PTPRD: variants seen among roughly 807,000 people sequenced by gnomAD.
PTPRD encodes the protein protein tyrosine phosphatase receptor type D, also known as receptor-type tyrosine-protein phosphatase delta.
A neutral mutation model predicts 214.5 loss-of-function variants in PTPRD; 34 were observed. The ratio of observed to expected loss-of-function variants is 0.16; its 90% CI spans 0.12 to 0.21. PTPRD has a LOEUF of 0.21. Ranked by LOEUF, PTPRD falls within the 10% of genes least tolerant of loss-of-function variation. PTPRD has a pLI of 1.00. For missense variants in PTPRD, 2,545 were observed against 2,398.7 expected, an observed-to-expected ratio of 1.06 and a Z score of -1.27; for synonymous variants, 1,128 against 845.7, an observed-to-expected ratio of 1.33 and a Z score of -5.79.
intron 9 of PTPRD, among the ~76,000 whole-genome samples, chr9:9,206,417 G>C (rs2099944903): frequency 6.6e-6 from 1 of 152,174 alleles, no homozygotes; most frequent in Admixed American, 6.5e-5. Context: ...GGAGGCAAGA[G>C]AAATCAGTTA....
chr9:9,266,502 C>T (rs1323105550), intron 9 of PTPRD, among the ~76,000 whole-genome samples: 3 of 150,636 alleles, frequency 2.0e-5, no homozygotes, highest in South Asian at 2.1e-4. Context: ...TATTAGGTCA[C>T]AAAATAACTC....
At chr9:8,804,582 A>G (rs1233226786) in intron 11 of PTPRD, among the ~76,000 whole-genome samples, 3 of 152,082 alleles carry the variant, frequency 2.0e-5, no homozygotes, top group Admixed American at 1.3e-4. Context: ...CGTGTGACAG[A>G]GAGACACTCT....
At chr9:9,453,937 TA>T (rs1160133912) in intron 8 of PTPRD, among the ~76,000 whole-genome samples, 1 of 151,686 alleles carries the variant, frequency 6.6e-6, no homozygotes, top group Non-Finnish European at 1.5e-5. Flanking sequence ...GATCCACTTC[TA>T]AAAAATGTCT....
At chr9:8,858,796 AACACACACACAC>A (rs71317379) in intron 11 of PTPRD, among the ~76,000 whole-genome samples, 2,810 of 141,862 alleles carry the variant, frequency 0.02, 106 homozygotes, top group African/African-American at 0.068. Flanking sequence ...TGAAGGAGGC[AACACACACACAC>A]ACACACACAC....
intron 2 of PTPRD, among the ~76,000 whole-genome samples, chr9:10,342,348 A>G (rs1292590958): frequency 6.6e-6 from 1 of 152,090 alleles, no homozygotes; most frequent in East Asian, 1.9e-4. Context: ...GTAAATAAGC[A>G]CTCTAATAGC....
intron 12 of PTPRD, among the ~76,000 whole-genome samples, chr9:8,733,254 T>A (rs1355260728): frequency 6.6e-6 from 1 of 152,120 alleles, no homozygotes; most frequent in Non-Finnish European, 1.5e-5. Context: ...CACAAAGTTG[T>A]CAGTTCTGCT....
intron 10 of PTPRD, among the ~76,000 whole-genome samples, chr9:9,067,651 G>C (rs1406465364): frequency 6.6e-6 from 1 of 152,114 alleles, no homozygotes; most frequent in Admixed American, 6.5e-5. Context: ...TCTTTATTTT[G>C]TTATAATATA....
chr9:10,310,993 T>C (rs1315632819), intron 3 of PTPRD, among the ~76,000 whole-genome samples: 3 of 152,068 alleles, frequency 2.0e-5, no homozygotes, highest in Non-Finnish European at 4.4e-5. Flanking sequence ...TGGGAACCAA[T>C]TTGATTGCAA....
Position 8,376,689 on chromosome 9 carries a change from T to C in PTPRD, c.4424A>G (p.Glu1475Gly). Residue 1475 changes from glutamate to glycine, a missense_variant, in exon 38 of 46, where the codon GAA becomes GGA. Transcript: ENST00000381196. ...CGTTACTTGAACGAGTCCGTGGGTT[T>C]CTGTGCCTCTGCTAGGCCAATACTG... ...CDQYWPSRGT[E>G]THGLVQVTLL... 6.2e-7 allele frequency: 1 copy of C among 1,613,102 alleles called. No homozygotes were observed.
At chr9:10,348,591 C>A (rs951211236) in intron 2 of PTPRD, among the ~76,000 whole-genome samples, 2 of 152,078 alleles carry the variant, frequency 1.3e-5, no homozygotes, top group African/African-American at 4.8e-5. Context: ...AAAAATGTAC[C>A]TTTTAGTATA....
chr9:9,514,237 T>C (rs1464202682), intron 8 of PTPRD, among the ~76,000 whole-genome samples: 2 of 152,084 alleles, frequency 1.3e-5, no homozygotes, highest in African/African-American at 4.8e-5. Flanking sequence ...TGCATCAGCT[T>C]CATGAATCCT....
intron 3 of PTPRD, among the ~76,000 whole-genome samples, chr9:10,165,884 C>A (rs916429530): frequency 6.6e-6 from 1 of 150,550 alleles, no homozygotes; most frequent in Non-Finnish European, 1.5e-5. Context: ...AATTAAAGAA[C>A]ATTTAAATAT....
chr9:8,811,128 G>A (rs1348929958), intron 11 of PTPRD, among the ~76,000 whole-genome samples: 1 of 152,146 alleles, frequency 6.6e-6, no homozygotes, highest in Non-Finnish European at 1.5e-5. Context: ...AACTACTCCA[G>A]CAACTAAGAA....
intron 11 of PTPRD, among the ~76,000 whole-genome samples, chr9:8,939,837 C>T (rs1443821739): frequency 1.3e-5 from 2 of 151,948 alleles, no homozygotes; most frequent in South Asian, 4.1e-4. Context: ...TAGTGTTGTA[C>T]TTGGTGATAG....
chr9:9,186,641 T>TCTCTCTCTGTCTCTCC, intron 9 of PTPRD, among the ~76,000 whole-genome samples: 1 of 135,422 alleles, frequency 7.4e-6, no homozygotes, highest in East Asian at 2.0e-4. Flanking sequence ...CCTCTCTCTC[T>TCTCTCTCTGTCTCTCC]CTCTCTCTCT....
At chr9:9,958,357 C>A (rs527809952) in intron 4 of PTPRD, among the ~76,000 whole-genome samples, 2 of 152,216 alleles carry the variant, frequency 1.3e-5, no homozygotes, top group African/African-American at 4.8e-5. Flanking sequence ...TGGTGAAACC[C>A]CATCTCTACT....
At chr9:9,406,519 C>T (rs778258578) in intron 8 of PTPRD, among the ~76,000 whole-genome samples, 7 of 151,856 alleles carry the variant, frequency 4.6e-5, no homozygotes, top group Non-Finnish European at 8.8e-5. Flanking sequence ...CTCACATTTA[C>T]GATATTTACT....
At chr9:10,003,408 T>C (rs1253219964) in intron 4 of PTPRD, among the ~76,000 whole-genome samples, 3 of 151,678 alleles carry the variant, frequency 2.0e-5, no homozygotes, top group Non-Finnish European at 1.5e-5. Context: ...TAATTTGAAG[T>C]TGGGGGATAT....
At chr9:8,934,693 C>T (rs918243117) in intron 11 of PTPRD, among the ~76,000 whole-genome samples, 2 of 149,904 alleles carry the variant, frequency 1.3e-5, no homozygotes, top group South Asian at 2.1e-4. Flanking sequence ...AGTCGCCATG[C>T]TATACATGAG....
Sources: gnomAD v4.1 joint callset for allele counts (sites outside exome capture counted in the v4.1 genomes callset) on GRCh38, gnomAD v4.1.1 for gene constraint, MANE v1.5 for transcripts, NCBI Gene and HGNC (gene_info 2026-07-23, HGNC 2026-07-21) for gene names.